Variants in ZNF236 observed in about 807,000 individuals in gnomAD.
ZNF236 encodes the protein regulated by glucose.
Under a neutral mutation model 191.2 loss-of-function variants are expected in ZNF236, and 50 were observed. The ratio of observed to expected loss-of-function variants is 0.26; its 90% CI spans 0.21 to 0.33. ZNF236 has a LOEUF of 0.33. Among genes scored for constraint, ZNF236 ranks in the 10% least tolerant of loss-of-function variants. The pLI, the probability that ZNF236 is intolerant of heterozygous loss-of-function variation, is 1.00. For synonymous variants in ZNF236, 907 were observed against 928.8 expected, an observed-to-expected ratio of 0.98 and a Z score of 0.43; for missense variants, 1,754 against 2,374.5, an observed-to-expected ratio of 0.74 and a Z score of 5.43.
intron 20 of ZNF236, among the ~76,000 whole-genome samples, chr18:76,921,768 G>A (rs1237147876): frequency 3.1e-5 from 4 of 129,770 alleles, no homozygotes; most frequent in African/African-American, 1.2e-4. Context: ...TTGAGTTGGA[G>A]TCTCGCTCTG....
At position 76,866,491 on chromosome 18, in the gene ZNF236, G is replaced by A. The variant is rs142955112; in HGVS notation, c.364-2194G>A. Among the ~76,000 whole-genome samples, 282 of 152,326 alleles carry A rather than the reference G, an allele frequency of 1.9e-3. 1 individual carries two copies. Among genetic ancestry groups the A allele is most frequent in the African/African-American group, 6.6e-3 (274 of 41,576 alleles). ...AACACTCGGAGTCTGGTGAACACAC[G>A]CTGCCATCCGAGGGCCGGGGTTGGA... On this transcript the variant is annotated intron_variant, in intron 3 of 30. Coordinates refer to ENST00000320610, the MANE Select transcript of ZNF236 (RefSeq NM_001306089.2).
At position 76,876,933 on chromosome 18, in the gene ZNF236, A is replaced by C. The variant is rs550274053; in HGVS notation, c.841-1076A>C. Among the ~76,000 whole-genome samples the C allele has an allele frequency of 5.9e-5, 9 of 152,300 alleles. No homozygotes were observed. The South Asian group carries it at 1.9e-3, about 32-fold the overall frequency. ...GAAGTGCTCTCGGACCTGCACTAGA[A>C]TGGGTTGTTCCAGAAAGAGCCTCTA... On this transcript the variant is annotated intron_variant, in intron 6 of 30. Transcript: ENST00000320610.
Position 76,895,108 on chromosome 18 carries a change from A to G in ZNF236, c.1513A>G (p.Ile505Val), listed in dbSNP as rs756852710. 5.0e-6 allele frequency: 8 copies of G among 1,611,854 alleles called. No individual in the cohort carries two copies. Among genetic ancestry groups the G allele is most frequent in the South Asian group, 1.1e-5 (1 of 91,084 alleles). ...CAGCGACCTGGTCCGCCACATCCGCATCCACACCCACGAGAAGCCCTTCAA... is the reference window on the plus strand; with the variant it reads ...CAGCGACCTGGTCCGCCACATCCGCGTCCACACCCACGAGAAGCCCTTCAA... ...KPSDLVRHIRIHTHEKPFKCP... is the reference protein window; with the variant it reads ...KPSDLVRHIRVHTHEKPFKCP... Residue 505 changes from isoleucine (I) to valine (V), a missense_variant, in exon 10 of 31, where the codon ATC becomes GTC. Physicochemically the swap from Ile to Val is conservative, Grantham distance 29. Transcript: ENST00000320610.
At chr18:76,860,944 G>A (rs1447627636) in intron 3 of ZNF236, among the ~76,000 whole-genome samples, 1 of 152,170 alleles carries the variant, frequency 6.6e-6, no homozygotes, top group African/African-American at 2.4e-5. Flanking sequence ...CTGAAGTCTG[G>A]CGTGAAGCTG....
At position 76,936,543 on chromosome 18, in the gene ZNF236, A is replaced by T. The variant is rs73968235; in HGVS notation, c.4595-613A>T. On this transcript the variant is annotated intron_variant, in intron 25 of 30. Coordinates refer to ENST00000320610, the MANE Select transcript of ZNF236 (RefSeq NM_001306089.2). ...CTTTTCTGAAGAAAATTAAGATGTCATGCAGGATAAATGAATATTTAAAGG... is the reference window on the plus strand; with the variant it reads ...CTTTTCTGAAGAAAATTAAGATGTCTTGCAGGATAAATGAATATTTAAAGG... Among the ~76,000 whole-genome samples, 591 of 152,352 alleles carry T rather than the reference A, an allele frequency of 3.9e-3. 7 individuals are homozygous for T. The highest frequency in any genetic ancestry group is 0.013 in the African/African-American group (549 of 41,576).
intron 26 of ZNF236, 53 bp downstream of exon 26, chr18:76,937,396 A>T: frequency 6.9e-7 from 1 of 1,446,352 alleles, no homozygotes. Flanking sequence ...GTGATCTTTG[A>T]AAACATTATT....
intron 30 of ZNF236, among the ~76,000 whole-genome samples, chr18:76,966,223 G>T (rs1269110098): frequency 6.6e-6 from 1 of 152,112 alleles, no homozygotes; most frequent in Non-Finnish European, 1.5e-5. Flanking sequence ...TGAGTCGGAG[G>T]TGCAGTCTAG....
At chr18:76,937,716 G>A (rs3794866) in intron 26 of ZNF236, among the ~76,000 whole-genome samples, 34,957 of 151,938 alleles carry the variant, frequency 0.23, 4,854 homozygotes, top group East Asian at 0.32. Flanking sequence ...TTATTGAAGG[G>A]CATTATGTTG....
intron 12 of ZNF236, 82 bp from the exon 13 acceptor site, chr18:76,905,073 G>C: frequency 7.4e-7 from 1 of 1,359,444 alleles, no homozygotes; most frequent in South Asian, 1.5e-5. Context: ...GAAGTGAAGC[G>C]AAATGCAAGA....
Position 76,941,865 on chromosome 18 carries a change from A to G in ZNF236, c.4782+4522A>G, listed in dbSNP as rs191391767. Among the ~76,000 whole-genome samples, 9 of 152,322 alleles carry G rather than the reference A, an allele frequency of 5.9e-5. No homozygotes were observed. The South Asian group carries it at 8.3e-4, about 14-fold the overall frequency. ...GTAGCTTTATTTGAATCTTTTTTCT[A>G]TTAGCTGGCAAACTTAGACTTGTGC... On this transcript the variant is annotated intron_variant, in intron 26 of 30. Transcript: ENST00000320610.
rs1053283924 is a variant in ZNF236, at chr18:76,878,093, A to T, written c.925A>T (p.Met309Leu). 4 of 1,613,346 alleles carry T rather than the reference A, an allele frequency of 2.5e-6. No individual in the cohort carries two copies. The highest frequency in any genetic ancestry group is 3.4e-6 in the Non-Finnish European group (4 of 1,179,590). ...LGSLNTHISK[M>L]HMGGPQNSTS... ...CAGCTTAAACACGCATATCAGCAAG[A>T]TGCATATGGGTGGGCCACAGAATTC... Residue 309 changes from methionine to leucine, a missense_variant, in exon 7 of 31, where the codon ATG (methionine) becomes TTG (leucine). Physicochemically the swap from Met to Leu is conservative, Grantham distance 15. This residue lies in a region of ZNF236 where 336 missense variants were observed against 495.1 expected (regional missense o/e 0.68). Coordinates refer to ENST00000320610, the MANE Select transcript of ZNF236 (RefSeq NM_001306089.2).
intron 21 of ZNF236, among the ~76,000 whole-genome samples, chr18:76,924,561 T>C (rs1967624303): frequency 1.3e-5 from 2 of 152,210 alleles, no homozygotes; most frequent in Non-Finnish European, 2.9e-5. Flanking sequence ...CAGGAAGTTT[T>C]TCAGCTCCCA....
At chr18:76,868,521 G>A (rs186491703) in intron 3 of ZNF236, among the ~76,000 whole-genome samples, 164 bp from the exon 4 acceptor site, 2 of 152,354 alleles carry the variant, frequency 1.3e-5, no homozygotes, top group Non-Finnish European at 2.9e-5. Context: ...TTTTTGAGAG[G>A]TGAAAGTGAT....
At chr18:76,932,853 G>A (rs562988120) in intron 25 of ZNF236, among the ~76,000 whole-genome samples, 2 of 152,190 alleles carry the variant, frequency 1.3e-5, no homozygotes, top group Non-Finnish European at 1.5e-5. Context: ...TGTTCTGACC[G>A]AAGGGAGAAG....
intron 27 of ZNF236, among the ~76,000 whole-genome samples, chr18:76,948,841 G>C (rs918908343): frequency 1.3e-5 from 2 of 152,218 alleles, no homozygotes; most frequent in African/African-American, 4.8e-5. Context: ...CGGATGCAGT[G>C]GTCCAGGTCC....
chr18:76,928,024 G>A lies in ZNF236; in HGVS notation c.4512G>A (p.Leu1504=), dbSNP rs1282445057. 2 of 1,613,612 alleles carry A rather than the reference G, an allele frequency of 1.2e-6. No homozygotes were observed. Among genetic ancestry groups the A allele is most frequent in the Non-Finnish European group, 1.7e-6 (2 of 1,179,898 alleles). The change falls in exon 25 of 31, where the codon CTG becomes CTA. Residue 1504 remains leucine (L), a synonymous_variant. Coordinates refer to ENST00000320610, the MANE Select transcript of ZNF236 (RefSeq NM_001306089.2). The part of the protein sequence containing the change: ...EITLTINNSS[L]SQVLAQAAGP... ...CCCTGACCATTAACAACTCCAGCCT[G>A]AGCCAGGTCCTGGCACAGGCCGCTG... is the stretch of plus-strand genomic sequence containing the variant.
intron 25 of ZNF236, chr18:76,936,083 T>C (rs1967989316): frequency 2.2e-6 from 1 of 456,840 alleles, no homozygotes; most frequent in Non-Finnish European, 4.4e-6. Flanking sequence ...AGTTTTCCTG[T>C]TGGCCCCTGA....
chr18:76,849,598 T>C lies in ZNF236; in HGVS notation c.128T>C (p.Ile43Thr). 1.2e-6 allele frequency: 2 copies of C among 1,612,170 alleles called. No homozygotes were observed. The highest frequency in any genetic ancestry group is 1.7e-5 in the Admixed American group (1 of 59,430). The change falls in exon 2 of 31, where the codon ATC becomes ACC. Residue 43 changes from isoleucine to threonine, a missense_variant. By Grantham distance (89) the Ile-to-Thr change is moderately conservative (BLOSUM62 -1). Around this residue, in one of 5 missense-constraint regions of ZNF236, gnomAD observed 336 missense variants for 495.1 expected, o/e 0.68. Transcript: ENST00000320610. ...GTTCCAAACTTCCATAAATGTGAAA[T>C]CTGTCTACTATCTTTTCCAAAAGAA... is the stretch of plus-strand genomic sequence containing the variant. ...YQVPNFHKCE[I>T]CLLSFPKESQ...
At chr18:76,957,760 T>C (rs914854684) in intron 28 of ZNF236, among the ~76,000 whole-genome samples, 5 of 152,184 alleles carry the variant, frequency 3.3e-5, no homozygotes, top group African/African-American at 7.2e-5. Flanking sequence ...AGTGAGAACA[T>C]GTGGTATTTG....
Sources: allele counts gnomAD v4.1 joint callset (sites outside exome capture counted in the v4.1 genomes callset), GRCh38; gene constraint gnomAD v4.1.1; regional missense constraint gnomAD v4.1.1; transcripts MANE v1.5; gene names NCBI Gene and HGNC (gene_info 2026-07-23, HGNC 2026-07-21).